SLC2A14: variants seen among roughly 807,000 people sequenced by gnomAD.
SLC2A14 encodes the protein solute carrier family 2, facilitated glucose transporter member 14.
Under a neutral mutation model 43.0 loss-of-function variants are expected in SLC2A14, and 13 were observed. The ratio of observed to expected loss-of-function variants is 0.30; its 90% CI spans 0.20 to 0.48. The LOEUF (loss-of-function observed/expected upper bound fraction) is 0.48, where lower values mean the gene tolerates loss of function less well. Ranked by LOEUF, SLC2A14 falls within the 20% of genes least tolerant of loss-of-function variation. The probability of loss-of-function intolerance (pLI) is 0.99; values close to 1 mark genes in which losing one functional copy is unlikely to be tolerated. For synonymous variants in SLC2A14, 190 were observed against 233.8 expected, an observed-to-expected ratio of 0.81 and a Z score of 1.71; for missense variants, 428 against 620.4, an observed-to-expected ratio of 0.69 and a Z score of 3.29.
intron 2 of SLC2A14, among the ~76,000 whole-genome samples, chr12:7,856,985 C>T (rs193245746): frequency 1.3e-5 from 2 of 152,230 alleles, no homozygotes; most frequent in African/African-American, 4.8e-5. Context: ...GGCACGGTGG[C>T]TCACGCCTGT....
chr12:7,825,796 G>GA (rs201802780), intron 7 of SLC2A14, among the ~76,000 whole-genome samples: 2,802 of 85,588 alleles, frequency 0.033, 86 homozygotes, highest in African/African-American at 0.11. Context: ...GAAAAGAAAA[G>GA]AAAGAAAGAA....
rs9804752 is a variant in SLC2A14 at position 7,828,945 on chromosome 12, G to A, written c.514-79C>T. The A allele has an allele frequency of 2.3e-3, 3,515 of 1,544,028 alleles. 75 individuals are homozygous for A. The African/African-American group carries it at 0.043, about 19-fold the overall frequency. On this transcript the variant is annotated intron_variant, in intron 5 of 10. Transcript: ENST00000431042. ...TTCATTGAAACACAAAAAGTTGGCT[G>A]GGCGCAGTAGCTTACGCCTGTAATT...
chr12:7,823,509 G>T (rs1022210927), intron 7 of SLC2A14, among the ~76,000 whole-genome samples: 1 of 152,144 alleles, frequency 6.6e-6, no homozygotes, highest in Non-Finnish European at 1.5e-5. Flanking sequence ...GATCACCTTA[G>T]GTTGGAGTTC....
rs1409759041 is a variant in SLC2A14 at position 7,826,891 on chromosome 12, TTC to T, written c.864+602_864+603del. Among the ~76,000 whole-genome samples, 4 of 54,246 alleles carry T rather than the reference TTC, an allele frequency of 7.4e-5. 1 individual carries two copies. The highest frequency in any genetic ancestry group is 3.5e-4 in the African/African-American group (4 of 11,546). 35.6% of individuals were successfully genotyped at this position (54,246 alleles called of 152,430 possible). A position where few individuals can be genotyped will look rare whatever the true frequency, so the allele number is the denominator to read the frequency against. On this transcript the variant is annotated intron_variant, in intron 7 of 10. Transcript: ENST00000431042. ...TTTCTTTCTTTCTTTCTTTCTTTCT[TTC>T]TTTCTTTCTTTCTTTCTTTCTTTTT...
intron 1 of SLC2A14, among the ~76,000 whole-genome samples, chr12:7,889,834 T>A (rs896788841): frequency 2.0e-5 from 3 of 152,088 alleles, no homozygotes; most frequent in African/African-American, 7.2e-5. Flanking sequence ...GGTCGTCTGG[T>A]TGCCCATTTT....
chr12:7,849,606 T>C (rs778981491), intron 2 of SLC2A14, among the ~76,000 whole-genome samples: 5 of 150,852 alleles, frequency 3.3e-5, no homozygotes, highest in Non-Finnish European at 7.4e-5. Context: ...TGGATATATA[T>C]TGAAAAAGTC....
intron 2 of SLC2A14, among the ~76,000 whole-genome samples, chr12:7,835,792 T>C (rs1234871007): frequency 6.6e-6 from 1 of 152,244 alleles, no homozygotes; most frequent in African/African-American, 2.4e-5. Context: ...TGCTTGCATC[T>C]GTAATAGTCC....
chr12:7,850,031 T>TAA (rs35416196), intron 2 of SLC2A14, among the ~76,000 whole-genome samples: 49,252 of 134,696 alleles, frequency 0.37, 8,601 homozygotes, highest in East Asian at 0.5. Flanking sequence ...AAGAAAGTGC[T>TAA]AAAAAAAAAA....
intron 1 of SLC2A14, chr12:7,870,950 C>T: frequency 7.0e-7 from 1 of 1,430,622 alleles, no homozygotes; most frequent in Non-Finnish European, 9.4e-7. Context: ...GTTCCACATC[C>T]AGGAGTTTAA....
intron 2 of SLC2A14, among the ~76,000 whole-genome samples, chr12:7,843,904 C>CA (rs1866225858): frequency 6.9e-6 from 1 of 145,954 alleles, no homozygotes; most frequent in African/African-American, 2.5e-5. Context: ...AAGAAAAAAA[C>CA]ACATTGTTTT....
intron 2 of SLC2A14, among the ~76,000 whole-genome samples, chr12:7,847,045 G>C (rs1351833164): frequency 6.6e-6 from 1 of 151,672 alleles, no homozygotes; most frequent in Non-Finnish European, 1.5e-5. Context: ...CTGAGGTTGG[G>C]AGTTCAAGGC....
chr12:7,818,144 A>C, intron 9 of SLC2A14, 110 bp from the exon 10 acceptor site: 1 of 941,462 alleles, frequency 1.1e-6, no homozygotes. Flanking sequence ...GTACAATACA[A>C]AGAGTGGCTG....
chr12:7,846,414 A>C (rs931381668), intron 2 of SLC2A14, among the ~76,000 whole-genome samples: 1 of 152,170 alleles, frequency 6.6e-6, no homozygotes, highest in South Asian at 2.1e-4. Flanking sequence ...TAAAAAAAAA[A>C]AAAACTTTAT....
chr12:7,880,778 G>T lies in SLC2A14; in HGVS notation c.132+10218C>A, dbSNP rs1043515135. Among the ~76,000 whole-genome samples the T allele has an allele frequency of 1.3e-5, 2 of 151,370 alleles. 1 individual carries two copies. Among genetic ancestry groups the T allele is most frequent in the East Asian group, 3.9e-4 (2 of 5,170 alleles). ...TCCCTGCACTTTGGGAGGCTGAGGCGGGTGGATCACAAGGTCAGGAGTTCA... is the reference window on the plus strand; with the variant it reads ...TCCCTGCACTTTGGGAGGCTGAGGCTGGTGGATCACAAGGTCAGGAGTTCA... On this transcript the variant is annotated intron_variant, in intron 1 of 9. Transcript: ENST00000539924.
Position 7,819,385 on chromosome 12 carries a change from A to G in SLC2A14, c.1071+97T>C, listed in dbSNP as rs1370474444. On this transcript the variant is annotated intron_variant, in intron 9 of 10. Coordinates refer to ENST00000431042, the MANE Select transcript of SLC2A14 (RefSeq NM_001286234.2). ...GCTTCTCTCCTCTGACTTTATTGAC[A>G]AACTGCAACCTTAACAACCCACCCC... The G allele has an allele frequency of 3.3e-6, 5 of 1,537,596 alleles. No homozygotes were observed. The African/African-American group carries it at 6.9e-5, about 21-fold the overall frequency.
intron 2 of SLC2A14, among the ~76,000 whole-genome samples, 163 bp downstream of exon 2, chr12:7,869,699 TG>T (rs1192073922): frequency 1.3e-5 from 2 of 152,186 alleles, no homozygotes; most frequent in East Asian, 3.8e-4. Context: ...AAAAAGATTT[TG>T]GGAATGTACC....
intron 1 of SLC2A14, among the ~76,000 whole-genome samples, chr12:7,889,533 T>TCAATA: frequency 7.3e-6 from 1 of 137,398 alleles, no homozygotes; most frequent in Non-Finnish European, 1.6e-5. Context: ...GTGCCTGACC[T>TCAATA]GGTTCCCCCT....
At chr12:7,863,757 C>T (rs1944747798) in intron 2 of SLC2A14, among the ~76,000 whole-genome samples, 1 of 152,004 alleles carries the variant, frequency 6.6e-6, no homozygotes, top group South Asian at 2.1e-4. Context: ...AAAAGCCTAA[C>T]TTCCTTTTAT....
chr12:7,889,424 G>A (rs113814264), intron 1 of SLC2A14, among the ~76,000 whole-genome samples: 2,059 of 150,764 alleles, frequency 0.014, 57 homozygotes, highest in African/African-American at 0.048. Flanking sequence ...TAGTAGAGAC[G>A]GGTTTCTCCA....
Sources: gnomAD v4.1 joint callset for allele counts (sites outside exome capture counted in the v4.1 genomes callset) on GRCh38, gnomAD v4.1.1 for gene constraint, MANE v1.5 for transcripts, NCBI Gene and HGNC (gene_info 2026-07-23, HGNC 2026-07-21) for gene names.